The following TMEFF2 variants were observed in gnomAD, a reference collection of about 807,000 sequenced individuals.
The protein encoded by TMEFF2 is transmembrane protein with EGF like and two follistatin like domains 2, also known as tomoregulin-2.
A neutral mutation model predicts 53.8 loss-of-function variants in TMEFF2; 28 were observed. The observed-to-expected ratio is 0.52, with a 90% CI of 0.39 to 0.71. TMEFF2 has a LOEUF of 0.71. Among genes scored for constraint, TMEFF2 ranks in the 30% least tolerant of loss-of-function variants. The pLI is 0.00. For synonymous variants in TMEFF2, 162 were observed against 166.3 expected, an observed-to-expected ratio of 0.97 and a Z score of 0.20; for missense variants, 353 against 455.2, an observed-to-expected ratio of 0.78 and a Z score of 2.04.
At chr2:192,006,826 G>A (rs570708953) in intron 5 of TMEFF2, among the ~76,000 whole-genome samples, 5 of 152,302 alleles carry the variant, frequency 3.3e-5, no homozygotes, top group African/African-American at 1.2e-4. Flanking sequence ...GGTCTGGTGT[G>A]AGGCCTAGGT....
At chr2:192,179,801 G>C (rs1309299942) in intron 3 of TMEFF2, 107 bp from the exon 4 acceptor site, 8 of 954,604 alleles carry the variant, frequency 8.4e-6, no homozygotes. Context: ...AATATTGTTT[G>C]AGAAAAATAC....
chr2:192,080,853 G>T (rs1688535383), intron 4 of TMEFF2, among the ~76,000 whole-genome samples: 1 of 147,762 alleles, frequency 6.8e-6, no homozygotes, highest in Non-Finnish European at 1.5e-5. Flanking sequence ...CAAAATATTT[G>T]ATCAAACATT....
chr2:192,102,364 T>C (rs571703460), intron 4 of TMEFF2, among the ~76,000 whole-genome samples: 2 of 152,248 alleles, frequency 1.3e-5, no homozygotes, highest in South Asian at 4.2e-4. Context: ...TCACTCAGAA[T>C]AAAACACAAA....
chr2:192,000,184 AT>A (rs1219048754), intron 5 of TMEFF2, among the ~76,000 whole-genome samples: 1 of 152,040 alleles, frequency 6.6e-6, no homozygotes, highest in Non-Finnish European at 1.5e-5. Context: ...ATATAAACTC[AT>A]ATTTTAAATT....
At chr2:192,157,541 T>C (rs1410060962) in intron 4 of TMEFF2, among the ~76,000 whole-genome samples, 1 of 152,100 alleles carries the variant, frequency 6.6e-6, no homozygotes, top group Admixed American at 6.6e-5. Context: ...TATACGTTTC[T>C]GAAATGATGT....
At chr2:191,958,270 C>T (rs1692165652) in intron 7 of TMEFF2, among the ~76,000 whole-genome samples, 1 of 152,138 alleles carries the variant, frequency 6.6e-6, no homozygotes, top group African/African-American at 2.4e-5. Flanking sequence ...GACCTTCTTC[C>T]CATAACAAAC....
intron 5 of TMEFF2, among the ~76,000 whole-genome samples, chr2:192,011,404 T>C (rs190155966): frequency 6.6e-6 from 1 of 152,274 alleles, no homozygotes; most frequent in Admixed American, 6.5e-5. Flanking sequence ...TAGCAAAGGA[T>C]CCAGCAGAGA....
chr2:192,138,611 A>T (rs1483924461), intron 4 of TMEFF2, among the ~76,000 whole-genome samples: 8 of 152,228 alleles, frequency 5.3e-5, no homozygotes, highest in Non-Finnish European at 1.2e-4. Flanking sequence ...CCACCTGGGC[A>T]TGTAACTCGA....
chr2:192,064,831 C>T (rs144687750), intron 4 of TMEFF2, among the ~76,000 whole-genome samples: 1 of 151,926 alleles, frequency 6.6e-6, no homozygotes, highest in Non-Finnish European at 1.5e-5. Context: ...TGGGCTGTTC[C>T]TTCAACCAGT....
Position 191,949,812 on chromosome 2 carries a change from G to T in TMEFF2, c.*499C>A. 1 of 985,188 alleles carries T rather than the reference G, an allele frequency of 1.0e-6. No individual in the cohort carries two copies. Among genetic ancestry groups the T allele is most frequent in the Non-Finnish European group, 1.2e-6 (1 of 829,758 alleles). The allele number at this position is 985,188 out of a possible 1,614,324, so 61.0% of individuals were successfully genotyped here. A position where few individuals can be genotyped will look rare whatever the true frequency, so the allele number is the denominator to read the frequency against. Reference sequence around the variant, plus strand: ...GATCGGAAATATTTTATCCTCACTCGATATAAAGTAAATTATTTTTTCTCT... The same window carrying T: ...GATCGGAAATATTTTATCCTCACTCTATATAAAGTAAATTATTTTTTCTCT... On this transcript the variant is annotated 3_prime_UTR_variant, in exon 10 of 10. Coordinates refer to ENST00000272771, the MANE Select transcript of TMEFF2 (RefSeq NM_016192.4).
intron 4 of TMEFF2, among the ~76,000 whole-genome samples, chr2:192,118,104 ATTTGTT>A (rs1435115732): frequency 6.6e-6 from 1 of 151,962 alleles, no homozygotes; most frequent in Non-Finnish European, 1.5e-5. Flanking sequence ...CTTGAGAGAC[ATTTGTT>A]TTTATTTCCT....
intron 5 of TMEFF2, among the ~76,000 whole-genome samples, chr2:192,040,850 G>A (rs1225597197): frequency 6.6e-6 from 1 of 151,808 alleles, no homozygotes; most frequent in African/African-American, 2.4e-5. Flanking sequence ...TTTCAATAAG[G>A]GTGTCCAAAA....
intron 7 of TMEFF2, among the ~76,000 whole-genome samples, chr2:191,976,150 A>G (rs1685720771): frequency 6.6e-6 from 1 of 152,206 alleles, no homozygotes; most frequent in African/African-American, 2.4e-5. Context: ...TAATTGTGTC[A>G]AATTGAGTTT....
At chr2:191,988,146 C>A (rs1686022879) in intron 7 of TMEFF2, among the ~76,000 whole-genome samples, 1 of 152,136 alleles carries the variant, frequency 6.6e-6, no homozygotes, top group African/African-American at 2.4e-5. Flanking sequence ...TTGCCTATCA[C>A]TGTTGATGGA....
intron 4 of TMEFF2, among the ~76,000 whole-genome samples, chr2:192,084,173 C>T (rs1371466927): frequency 6.6e-6 from 1 of 152,172 alleles, no homozygotes; most frequent in African/African-American, 2.4e-5. Flanking sequence ...TAAAGTCAGG[C>T]TCTTCCGCTG....
chr2:191,952,011 G>A (rs1691899855), intron 9 of TMEFF2, among the ~76,000 whole-genome samples: 1 of 152,162 alleles, frequency 6.6e-6, no homozygotes, highest in Non-Finnish European at 1.5e-5. Flanking sequence ...TGAGCATGGT[G>A]AAGTGTCCAG....
chr2:192,086,817 A>G (rs1424425947), intron 4 of TMEFF2, among the ~76,000 whole-genome samples: 1 of 152,066 alleles, frequency 6.6e-6, no homozygotes, highest in Non-Finnish European at 1.5e-5. Flanking sequence ...TTATTTTGTT[A>G]GCATATAGTG....
At chr2:192,147,379 G>A (rs1373058056) in intron 4 of TMEFF2, among the ~76,000 whole-genome samples, 7 of 151,770 alleles carry the variant, frequency 4.6e-5, no homozygotes, top group Admixed American at 4.0e-4. Context: ...TGTGCATAAT[G>A]TGCAGGTTTG....
rs1377548160 is a variant in TMEFF2, at chr2:192,098,137, A to G, written c.440-40362T>C. Among the ~76,000 whole-genome samples the G allele has an allele frequency of 5.9e-5, 9 of 152,326 alleles. No homozygotes were observed. In the East Asian group the frequency reaches 1.7e-3, roughly 29 times the overall value. On this transcript the variant is annotated intron_variant, in intron 4 of 9. Coordinates refer to ENST00000272771, the MANE Select transcript of TMEFF2 (RefSeq NM_016192.4). ...AATATTCTCAAATTTGAATTTAACC[A>G]CAATAGCAAAGTGAAATAAAATACT...
Sources: gnomAD v4.1 joint callset for allele counts (sites outside exome capture counted in the v4.1 genomes callset) on GRCh38, gnomAD v4.1.1 for gene constraint, MANE v1.5 for transcripts, NCBI Gene and HGNC (gene_info 2026-07-23, HGNC 2026-07-21) for gene names.